LY75: variants seen among roughly 807,000 people sequenced by gnomAD.
The protein encoded by LY75 is lymphocyte antigen 75, also known as C-type lectin domain family 13 member B.
Under a neutral mutation model 231.7 loss-of-function variants are expected in LY75, and 185 were observed. The ratio of observed to expected loss-of-function variants is 0.80; its 90% CI spans 0.71 to 0.90. The LOEUF is 0.90. LY75 is among the 40% of genes least tolerant of loss of function. The pLI is 0.00. For synonymous variants in LY75, 668 were observed against 689.0 expected, an observed-to-expected ratio of 0.97 and a Z score of 0.48; for missense variants, 1,947 against 2,050.2, an observed-to-expected ratio of 0.95 and a Z score of 0.97.
At chr2:159,822,350 G>A (rs1486718582) in intron 28 of LY75, among the ~76,000 whole-genome samples, 1 of 152,192 alleles carries the variant, frequency 6.6e-6, no homozygotes, top group African/African-American at 2.4e-5. Context: ...GAGCTTGGTC[G>A]GGGGAGTGGC....
intron 28 of LY75, among the ~76,000 whole-genome samples, chr2:159,826,833 T>C (rs1683484834): frequency 6.6e-6 from 1 of 152,054 alleles, no homozygotes; most frequent in Non-Finnish European, 1.5e-5. Flanking sequence ...CTTTGACAAA[T>C]CTGACACAAA....
At chr2:159,892,001 G>T (rs1685773434) in intron 3 of LY75, among the ~76,000 whole-genome samples, 1 of 152,208 alleles carries the variant, frequency 6.6e-6, no homozygotes, top group African/African-American at 2.4e-5. Context: ...TAGTAGGTAG[G>T]TTACAGGTGT....
At chr2:159,844,512 A>G (rs550788223) in intron 23 of LY75, among the ~76,000 whole-genome samples, 2 of 152,230 alleles carry the variant, frequency 1.3e-5, no homozygotes, top group South Asian at 4.1e-4. Flanking sequence ...AATGGTGGCT[A>G]CTACTGCTCC....
intron 28 of LY75, among the ~76,000 whole-genome samples, chr2:159,830,588 C>CTT (rs35004394): frequency 0.01 from 1,314 of 128,998 alleles, 35 homozygotes; most frequent in East Asian, 0.016. Context: ...TTTTTCTATT[C>CTT]TTTTTTTTTT....
rs1374062523 is a variant in LY75, at chr2:159,899,041, A to G, written c.113T>C (p.Ile38Thr). The change falls in exon 2 of 35, where the codon ATC becomes ACC. Residue 38 changes from isoleucine (I) to threonine (T), a missense_variant. By Grantham distance (89) the Ile-to-Thr change is moderately conservative. Coordinates refer to ENST00000263636, the MANE Select transcript of LY75 (RefSeq NM_002349.4). ...GCACTTGCCCGTATTTCCATGGACG[A>G]TGGTGAAGGGGTCATTAGCTGAGTC... is the stretch of plus-strand genomic sequence containing the variant. ...SGRAANDPFT[I>T]VHGNTGKCIK... 1.2e-6 allele frequency: 2 copies of G among 1,613,050 alleles called. No homozygotes were observed. Among genetic ancestry groups the G allele is most frequent in the Admixed American group, 1.7e-5 (1 of 59,986 alleles).
At chr2:159,807,280 A>C in intron 33 of LY75, 140 bp from the exon 34 acceptor site, 3 of 1,073,222 alleles carry the variant, frequency 2.8e-6, no homozygotes, top group Non-Finnish European at 3.9e-6. Context: ...AAAATGAAAA[A>C]AATAAAATCA....
At chr2:159,855,739 C>G (rs1166034798) in intron 16 of LY75, among the ~76,000 whole-genome samples, 1 of 152,170 alleles carries the variant, frequency 6.6e-6, no homozygotes, top group African/African-American at 2.4e-5. Flanking sequence ...CAGCACAGGA[C>G]CAGGCACAGG....
chr2:159,871,328 G>A (rs1685006153), intron 13 of LY75, among the ~76,000 whole-genome samples: 1 of 152,010 alleles, frequency 6.6e-6, no homozygotes. Flanking sequence ...AAGTGAAGTG[G>A]GGTCAAGAAG....
Position 159,808,542 on chromosome 2 carries a change from C to A in LY75, c.4729G>T (p.Asp1577Tyr), listed in dbSNP as rs1682856406. Residue 1577 changes from aspartate (D) to tyrosine (Y), a missense_variant, in exon 33 of 35, where the codon GAT (aspartate) becomes TAT (tyrosine). Physicochemically the swap from Asp to Tyr is radical, Grantham distance 160 (BLOSUM62 -3). Transcript: ENST00000263636. ...DHSATIVSIK[D>Y]EDENKFVSRL... ...CTCACAAATTTATTCTCATCTTCATCTTTTATGGAAACGATAGTTGCAGAG... is the reference window on the plus strand; with the variant it reads ...CTCACAAATTTATTCTCATCTTCATATTTTATGGAAACGATAGTTGCAGAG... 1 of 1,613,548 alleles carries A rather than the reference C, an allele frequency of 6.2e-7. No individual in the cohort carries two copies. Among genetic ancestry groups the A allele is most frequent in the Non-Finnish European group, 8.5e-7 (1 of 1,179,948 alleles).
chr2:159,846,035 G>A (rs1321613479), intron 23 of LY75, among the ~76,000 whole-genome samples: 1 of 151,374 alleles, frequency 6.6e-6, no homozygotes, highest in Non-Finnish European at 1.5e-5. Context: ...AAATTCCTGG[G>A]CTCAAGTGAT....
intron 16 of LY75, among the ~76,000 whole-genome samples, chr2:159,857,559 T>C (rs1684583719): frequency 6.6e-6 from 1 of 152,108 alleles, no homozygotes. Flanking sequence ...TTGGCCAACA[T>C]GGTGAAACCC....
At chr2:159,827,531 AT>A (rs1390345712) in intron 28 of LY75, among the ~76,000 whole-genome samples, 1 of 152,242 alleles carries the variant, frequency 6.6e-6, no homozygotes, top group Non-Finnish European at 1.5e-5. Flanking sequence ...TAGTTCAACC[AT>A]TGTGGAAGAC....
intron 9 of LY75, among the ~76,000 whole-genome samples, chr2:159,879,016 A>G (rs1685357759): frequency 6.6e-6 from 1 of 152,204 alleles, no homozygotes; most frequent in African/African-American, 2.4e-5. Context: ...TAGTGGGGGA[A>G]GTAAAGACAT....
chr2:159,817,107 A>T, intron 29 of LY75, 75 bp from the exon 30 acceptor site: 1 of 1,400,342 alleles, frequency 7.1e-7, no homozygotes. Flanking sequence ...ACAACATGCA[A>T]TCATTTCAAA....
At chr2:159,861,784 T>A (rs1408971563) in intron 14 of LY75, among the ~76,000 whole-genome samples, 1 of 152,122 alleles carries the variant, frequency 6.6e-6, no homozygotes, top group East Asian at 1.9e-4. Flanking sequence ...TTTGTATAAC[T>A]CTTCCATATT....
chr2:159,814,496 A>G (rs1683056999), intron 31 of LY75, among the ~76,000 whole-genome samples: 1 of 151,944 alleles, frequency 6.6e-6, no homozygotes, highest in Non-Finnish European at 1.5e-5. Flanking sequence ...TCTACAAAAT[A>G]TTTTAAATAT....
Position 159,835,576 on chromosome 2 carries a change from G to C in LY75, c.3577C>G (p.Gln1193Glu). Residue 1193 changes from glutamine to glutamate, a missense_variant, in exon 26 of 35, where the codon CAA becomes GAA. Physicochemically the swap from Gln to Glu is conservative, Grantham distance 29. Coordinates refer to ENST00000263636, the MANE Select transcript of LY75 (RefSeq NM_002349.4). ...TCTAATACTACACAGTCTTCGAGTT[G>C]CCCATTAGTTTCAGCCCAGCGACTA... ...HFSRWAETNG[Q>E]LEDCVVLDTD... 6.2e-7 allele frequency: 1 copy of C among 1,613,746 alleles called. No homozygotes were observed. The highest frequency in any genetic ancestry group is 8.5e-7 in the Non-Finnish European group (1 of 1,179,856).
intron 34 of LY75, 56 bp from the exon 35 acceptor site, chr2:159,805,278 G>A: frequency 1.5e-6 from 2 of 1,330,270 alleles, no homozygotes; most frequent in Non-Finnish European, 2.2e-6. Flanking sequence ...GATCATTATT[G>A]ATTTTATACA....
intron 20 of LY75, among the ~76,000 whole-genome samples, chr2:159,852,699 A>C (rs1369770964): frequency 6.6e-6 from 1 of 152,174 alleles, no homozygotes; most frequent in Non-Finnish European, 1.5e-5. Context: ...GATTACAGGC[A>C]TGAGCCACCG....
Sources: gnomAD v4.1 joint callset for allele counts (sites outside exome capture counted in the v4.1 genomes callset) on GRCh38, gnomAD v4.1.1 for gene constraint, MANE v1.5 for transcripts, NCBI Gene and HGNC (gene_info 2026-07-23, HGNC 2026-07-21) for gene names.